Variants in LRRC49 observed in about 807,000 individuals in gnomAD.
LRRC49 encodes the protein leucine rich repeat containing 49.
LRRC49 carries 50 observed loss-of-function variants against 83.3 expected under a neutral mutation model. The observed-to-expected ratio is 0.60, with a 90% CI of 0.48 to 0.76. The LOEUF (loss-of-function observed/expected upper bound fraction) is 0.76, where lower values mean the gene tolerates loss of function less well. LRRC49 is among the 30% of genes least tolerant of loss of function. The probability of loss-of-function intolerance (pLI) is 0.00; values close to 1 mark genes in which losing one functional copy is unlikely to be tolerated. For missense variants in LRRC49, 704 were observed against 809.1 expected, an observed-to-expected ratio of 0.87 and a Z score of 1.58; for synonymous variants, 286 against 283.3, an observed-to-expected ratio of 1.01 and a Z score of -0.10.
intron 3 of LRRC49, chr15:70,898,587 A>ATG: frequency 1.9e-6 from 1 of 520,338 alleles, no homozygotes. Context: ...CCCCATCTTG[A>ATG]ACATGGGTAA....
chr15:71,026,105 CCCCT>C (rs2039161555), intron 14 of LRRC49, among the ~76,000 whole-genome samples: 1 of 150,922 alleles, frequency 6.6e-6, no homozygotes, highest in African/African-American at 2.4e-5. Flanking sequence ...GTGTGATGTT[CCCCT>C]CCCTGTGTCC....
Position 70,970,715 on chromosome 15 carries a change from G to A in LRRC49, c.921+6783G>A, listed in dbSNP as rs182699966. On this transcript the variant is annotated intron_variant, in intron 9 of 15. Coordinates refer to ENST00000260382, the MANE Select transcript of LRRC49 (RefSeq NM_017691.5). ...ACTTCTTCATGGTTTAGTCTTGGGAGGGTATATGTGTCCAGGAATTTATCT... is the reference window on the plus strand; with the variant it reads ...ACTTCTTCATGGTTTAGTCTTGGGAAGGTATATGTGTCCAGGAATTTATCT... 2.7e-3 allele frequency among the ~76,000 whole-genome samples: 404 copies of A among 152,192 alleles called. 5 individuals are homozygous for A. Among genetic ancestry groups the A allele is most frequent in the African/African-American group, 9.5e-3 (393 of 41,514 alleles).
chr15:71,024,995 A>G (rs1225436901), intron 14 of LRRC49, among the ~76,000 whole-genome samples: 1 of 152,200 alleles, frequency 6.6e-6, no homozygotes, highest in Non-Finnish European at 1.5e-5. Context: ...ACAAGATTAG[A>G]GGAAAAAGAA....
upstream of LRRC49, among the ~76,000 whole-genome samples, chr15:70,887,623 A>G (rs2033445431): frequency 1.3e-5 from 2 of 152,204 alleles, no homozygotes; most frequent in Non-Finnish European, 2.9e-5. Context: ...AGCTATAAAA[A>G]ACTATAGTAA....
intron 2 of LRRC49, among the ~76,000 whole-genome samples, chr15:70,878,374 A>G (rs902136643): frequency 3.3e-5 from 5 of 152,228 alleles, no homozygotes; most frequent in Non-Finnish European, 5.9e-5. Flanking sequence ...AAAAAAGGAC[A>G]ACCTTATTTC....
chr15:70,904,479 C>A, intron 4 of LRRC49, 73 bp from the exon 5 acceptor site: 1 of 1,000,276 alleles, frequency 1.0e-6, no homozygotes, highest in South Asian at 1.5e-5. Context: ...CACAAAGATA[C>A]TACTAATAAT....
At chr15:70,939,200 C>G (rs1275498019) in intron 8 of LRRC49, among the ~76,000 whole-genome samples, 1 of 152,082 alleles carries the variant, frequency 6.6e-6, no homozygotes, top group African/African-American at 2.4e-5. Flanking sequence ...TATATTGTCC[C>G]TTCTGTTAGA....
At chr15:71,030,785 T>C (rs2039327628) in intron 14 of LRRC49, among the ~76,000 whole-genome samples, 1 of 151,946 alleles carries the variant, frequency 6.6e-6, no homozygotes, top group Non-Finnish European at 1.5e-5. Flanking sequence ...ATCTCTGATA[T>C]CCTTTCTTCT....
In LRRC49 at chr15:71,031,114, C is replaced by G. The variant is rs751130886; in HGVS notation, c.1704-6065C>G. Among the ~76,000 whole-genome samples, 176 of 152,196 alleles carry G rather than the reference C, an allele frequency of 1.2e-3. 3 individuals carry two copies. The highest frequency in any genetic ancestry group is 6.0e-3 in the Admixed American group (92 of 15,294). ...TTTGGGAATTTTCAGCATTTTTGAG[C>G]TGGTTTTTCCTCATCTTTGTGGATT... On this transcript the variant is annotated intron_variant, in intron 14 of 15. Transcript: ENST00000260382.
rs572405722 is a variant in LRRC49, at chr15:71,050,404, T to G, written c.*792T>G. The G allele has an allele frequency of 6.6e-6, 1 of 152,340 alleles. No homozygotes were observed. The highest frequency in any genetic ancestry group is 2.1e-4 in the South Asian group (1 of 4,826). 9.4% of individuals were successfully genotyped at this position (152,340 alleles called of 1,614,324 possible). On this transcript the variant is annotated 3_prime_UTR_variant, in exon 16 of 16. Transcript: ENST00000260382. ...TGCTCTTTTAATAGACATGCATGTGTACCTGTGTCTCAGAAGTATTAGGGA... is the reference window on the plus strand; with the variant it reads ...TGCTCTTTTAATAGACATGCATGTGGACCTGTGTCTCAGAAGTATTAGGGA...
Position 70,971,527 on chromosome 15 carries a change from A to C in LRRC49, c.921+7595A>C, listed in dbSNP as rs188431245. ...AGTTCAAGTCCTGAATATCCTTGTT[A>C]ATTTTCTGTCTTGTTAATCTGTCTA... On this transcript the variant is annotated intron_variant, in intron 9 of 15. Transcript: ENST00000260382. Among the ~76,000 whole-genome samples the C allele has an allele frequency of 7.1e-4, 108 of 152,200 alleles. 2 individuals carry two copies. The South Asian group carries it at 0.012, about 17-fold the overall frequency.
At chr15:70,907,159 A>G (rs2034349115) in intron 5 of LRRC49, among the ~76,000 whole-genome samples, 2 of 152,240 alleles carry the variant, frequency 1.3e-5, no homozygotes, top group African/African-American at 4.8e-5. Flanking sequence ...TAAAGAGGGA[A>G]GTACATCTGC....
At chr15:71,012,745 G>T in intron 13 of LRRC49, 59 bp from the exon 14 acceptor site, 1 of 924,884 alleles carries the variant, frequency 1.1e-6, no homozygotes, top group Non-Finnish European at 1.7e-6. Context: ...GATTATATCA[G>T]TTTTATTCAG....
At chr15:70,953,819 A>AT (rs1351394173) in intron 8 of LRRC49, among the ~76,000 whole-genome samples, 1 of 151,600 alleles carries the variant, frequency 6.6e-6, no homozygotes, top group Non-Finnish European at 1.5e-5. Flanking sequence ...TTTTTAAATT[A>AT]TTTTTTCTTT....
chr15:70,939,665 A>G (rs920547231), intron 8 of LRRC49, among the ~76,000 whole-genome samples: 4 of 152,136 alleles, frequency 2.6e-5, no homozygotes, highest in South Asian at 2.1e-4. Context: ...TAAAAACAAT[A>G]AAACTGACAA....
intron 7 of LRRC49, among the ~76,000 whole-genome samples, chr15:70,920,049 G>A (rs1448783127): frequency 6.6e-6 from 1 of 152,130 alleles, no homozygotes; most frequent in Non-Finnish European, 1.5e-5. Context: ...AGCTAATGAG[G>A]AACATTATTT....
At chr15:70,985,902 CTTGT>C (rs2037596357) in intron 11 of LRRC49, among the ~76,000 whole-genome samples, 1 of 143,894 alleles carries the variant, frequency 6.9e-6, no homozygotes, top group African/African-American at 2.6e-5. Context: ...TTCCCCATTG[CTTGT>C]TTTTCTCAGG....
chr15:70,925,780 T>C (rs1478610544), intron 7 of LRRC49, among the ~76,000 whole-genome samples: 1 of 152,138 alleles, frequency 6.6e-6, no homozygotes, highest in East Asian at 1.9e-4. Context: ...GATTGAGAAG[T>C]TTAAATCTAA....
intron 7 of LRRC49, among the ~76,000 whole-genome samples, chr15:70,934,141 A>C (rs984296794): frequency 8.5e-5 from 13 of 152,114 alleles, no homozygotes; most frequent in Non-Finnish European, 1.6e-4. Context: ...AATCTTATAT[A>C]TATCCCATCT....
Sources: allele counts gnomAD v4.1 joint callset (sites outside exome capture counted in the v4.1 genomes callset), GRCh38; gene constraint gnomAD v4.1.1; transcripts MANE v1.5; gene names NCBI Gene and HGNC (gene_info 2026-07-23, HGNC 2026-07-21).